SCN1A: variants seen among roughly 807,000 people sequenced by gnomAD.
The protein encoded by SCN1A is sodium voltage-gated channel alpha subunit 1.
In SCN1A, 13 loss-of-function variants were observed where a neutral mutation model predicts 193.7. The observed-to-expected ratio is 0.07, with a 90% CI of 0.04 to 0.11. The LOEUF is 0.11. Among genes scored for constraint, SCN1A ranks in the 10% least tolerant of loss-of-function variants. SCN1A has a pLI of 1.00. For synonymous variants in SCN1A, 781 were observed against 843.6 expected, an observed-to-expected ratio of 0.93 and a Z score of 1.29; for missense variants, 1,432 against 2,451.1, an observed-to-expected ratio of 0.58 and a Z score of 8.78.
chr2:166,135,077 CTGATT>C (rs1466155226), intron 1 of SCN1A, among the ~76,000 whole-genome samples: 2 of 152,008 alleles, frequency 1.3e-5, no homozygotes, highest in African/African-American at 4.8e-5. Context: ...GGGTTCTTTC[CTGATT>C]TATTTCATTC....
At chr2:166,068,800 G>A (rs1684114689) in intron 4 of SCN1A, among the ~76,000 whole-genome samples, 1 of 152,094 alleles carries the variant, frequency 6.6e-6, no homozygotes, top group Non-Finnish European at 1.5e-5. Flanking sequence ...ATGATCCATA[G>A]GACTTTTTAA....
At chr2:166,111,347 A>C (rs547227798) in intron 2 of SCN1A, among the ~76,000 whole-genome samples, 252 of 152,208 alleles carry the variant, frequency 1.7e-3, no homozygotes, top group African/African-American at 6.0e-3. Flanking sequence ...CCTGTGCTCT[A>C]TAAGTAGAAC....
chr2:166,092,984 C>T (rs1008032036), intron 2 of SCN1A, among the ~76,000 whole-genome samples: 5 of 151,912 alleles, frequency 3.3e-5, no homozygotes, highest in Admixed American at 1.3e-4. Flanking sequence ...TTCCCATGGC[C>T]ACAGCTTGGT....
intron 20 of SCN1A, 106 bp downstream of exon 20, chr2:166,015,501 T>C: frequency 7.5e-7 from 1 of 1,335,154 alleles, no homozygotes; most frequent in Non-Finnish European, 1.1e-6. Context: ...TTGAATTATA[T>C]CTATTACAAA....
chr2:166,145,172 T>G (rs1443791488), intron 1 of SCN1A, among the ~76,000 whole-genome samples: 1 of 11,380 alleles, frequency 8.8e-5, no homozygotes, highest in Non-Finnish European at 1.4e-4. Flanking sequence ...TTTTTTTTTT[T>G]TGTGGGGGAC....
In SCN1A at chr2:166,073,627, C is replaced by A; in HGVS notation, c.-6G>T. 6.2e-7 allele frequency: 1 copy of A among 1,614,062 alleles called. No individual in the cohort carries two copies. The highest frequency in any genetic ancestry group is 1.3e-5 in the African/African-American group (1 of 75,038). On this transcript the variant is annotated 5_prime_UTR_variant, in exon 4 of 29. The change abolishes an upstream ATG in the 5' untranslated region. Transcript: ENST00000674923. ...ACAAGCACTGTTTGCTCCATCTTGT[C>A]ATCCTGCACATTTTAATTACCATTT...
Position 166,073,585 on chromosome 2 carries a change from T to C in SCN1A, c.37A>G (p.Ser13Gly). ...GATTCTCTGGTGAAGAAGTTGAAGC[T>C]GTCAGGTCCTGGTGGTACAAGCACT... is the stretch of plus-strand genomic sequence containing the variant. The part of the protein sequence containing the change: ...QTVLVPPGPD[S>G]FNFFTRESLA... Residue 13 changes from serine to glycine, a missense_variant, in exon 4 of 29, where the codon AGC becomes GGC. By Grantham distance (56) the Ser-to-Gly change is moderately conservative. Around this residue, in one of 18 missense-constraint regions of SCN1A, gnomAD observed 55 missense variants for 58.4 expected, o/e 0.94. Coordinates refer to ENST00000674923, the MANE Select transcript of SCN1A (RefSeq NM_001165963.4). The C allele has an allele frequency of 6.2e-7, 1 of 1,614,208 alleles. No individual in the cohort carries two copies. The highest frequency in any genetic ancestry group is 8.5e-7 in the Non-Finnish European group (1 of 1,180,032).
At chr2:166,108,935 A>T (rs1277407529) in intron 2 of SCN1A, among the ~76,000 whole-genome samples, 1 of 152,142 alleles carries the variant, frequency 6.6e-6, no homozygotes, top group East Asian at 1.9e-4. Flanking sequence ...AAGGAGCTAA[A>T]ACTACAATGA....
At chr2:166,009,066 A>G (rs764397920) in intron 23 of SCN1A, among the ~76,000 whole-genome samples, 2 of 151,024 alleles carry the variant, frequency 1.3e-5, no homozygotes, top group Non-Finnish European at 3.0e-5. Context: ...TAAATTACCT[A>G]TAGTAATGAG....
At chr2:166,034,056 A>T (rs1696005274) in intron 19 of SCN1A, among the ~76,000 whole-genome samples, 1 of 152,208 alleles carries the variant, frequency 6.6e-6, no homozygotes, top group African/African-American at 2.4e-5. Flanking sequence ...GAACTGACAT[A>T]ATATCCAAAT....
intron 2 of SCN1A, among the ~76,000 whole-genome samples, chr2:166,123,223 CAAAAAAAAAAA>C (rs57488795): frequency 2.1e-4 from 24 of 116,388 alleles, no homozygotes; most frequent in Non-Finnish European, 2.8e-4. Flanking sequence ...CATTCATTTG[CAAAAAAAAAAA>C]AAAAAAAAAA....
At chr2:166,054,267 T>C (rs896691087) in intron 7 of SCN1A, among the ~76,000 whole-genome samples, 4 of 152,012 alleles carry the variant, frequency 2.6e-5, no homozygotes, top group Non-Finnish European at 5.9e-5. Context: ...GTGTAGCCAA[T>C]AGAACTGTTT....
At chr2:166,084,278 C>A (rs1685859495) in intron 2 of SCN1A, among the ~76,000 whole-genome samples, 3 of 149,786 alleles carry the variant, frequency 2.0e-5, no homozygotes, top group African/African-American at 4.9e-5. Context: ...TCTCCCCACC[C>A]CTTCCCACTC....
At chr2:166,117,820 G>A (rs1408918098) in intron 2 of SCN1A, among the ~76,000 whole-genome samples, 2 of 152,044 alleles carry the variant, frequency 1.3e-5, no homozygotes, top group East Asian at 1.9e-4. Flanking sequence ...AAAATTAGCT[G>A]GGTGTGGTAG....
At chr2:166,057,060 AC>A (rs1178467126) in intron 5 of SCN1A, among the ~76,000 whole-genome samples, 1 of 152,076 alleles carries the variant, frequency 6.6e-6, no homozygotes, top group Non-Finnish European at 1.5e-5. Flanking sequence ...GGATTCGATA[AC>A]ATTAAAAGTG....
intron 2 of SCN1A, among the ~76,000 whole-genome samples, chr2:166,107,381 GAATT>G (rs1164609146): frequency 6.6e-6 from 1 of 152,004 alleles, no homozygotes; most frequent in Non-Finnish European, 1.5e-5. Flanking sequence ...AATAGTTGCT[GAATT>G]AATTAATAAA....
intron 1 of SCN1A, among the ~76,000 whole-genome samples, chr2:166,142,694 A>G (rs1692137703): frequency 1.3e-5 from 2 of 152,194 alleles, no homozygotes; most frequent in South Asian, 4.1e-4. Context: ...TTAGAAATCC[A>G]ATTTCACTGT....
At chr2:166,094,605 G>C (rs1263061457) in intron 2 of SCN1A, among the ~76,000 whole-genome samples, 3 of 152,144 alleles carry the variant, frequency 2.0e-5, no homozygotes, top group African/African-American at 7.2e-5. Flanking sequence ...AGTTGGATAT[G>C]ATAAAAATAC....
At chr2:166,043,556 C>T in intron 14 of SCN1A, 113 bp downstream of exon 14, 1 of 1,158,216 alleles carries the variant, frequency 8.6e-7, no homozygotes, top group Non-Finnish European at 1.2e-6. Context: ...GATGCAGGTG[C>T]ATTCACAGCG....
Sources: allele counts gnomAD v4.1 joint callset (sites outside exome capture counted in the v4.1 genomes callset), GRCh38; gene constraint gnomAD v4.1.1; regional missense constraint gnomAD v4.1.1; transcripts MANE v1.5; gene names NCBI Gene and HGNC (gene_info 2026-07-23, HGNC 2026-07-21).